The following DLG2 variants were observed in gnomAD, a reference collection of about 807,000 sequenced individuals.
DLG2 encodes the protein disks large homolog 2.
Under a neutral mutation model 132.5 loss-of-function variants are expected in DLG2, and 45 were observed. The observed-to-expected ratio is 0.34, with a 90% CI of 0.27 to 0.44. The LOEUF is 0.44. Ranked by LOEUF, DLG2 falls within the 20% of genes least tolerant of loss-of-function variation. The pLI, the probability that DLG2 is intolerant of heterozygous loss-of-function variation, is 1.00. For missense variants in DLG2, 1,045 were observed against 1,196.9 expected (o/e 0.87, Z 1.87); for synonymous variants, 424 against 419.6 (o/e 1.01, Z -0.13).
chr11:85,497,068 G>A (rs2093683880), intron 3 of DLG2, among the ~76,000 whole-genome samples: 1 of 151,982 alleles, frequency 6.6e-6, no homozygotes, highest in Non-Finnish European at 1.5e-5. Flanking sequence ...AAAATGAGAT[G>A]GAGAATGAGT....
intron 4 of DLG2, among the ~76,000 whole-genome samples, chr11:85,198,257 T>C (rs1466469134): frequency 6.6e-6 from 1 of 152,200 alleles, no homozygotes; most frequent in Non-Finnish European, 1.5e-5. Context: ...TGAAAAATTA[T>C]TTCAGACCTC....
At chr11:85,086,820 A>C (rs1334870642) in intron 6 of DLG2, among the ~76,000 whole-genome samples, 1 of 152,246 alleles carries the variant, frequency 6.6e-6, no homozygotes, top group Non-Finnish European at 1.5e-5. Context: ...CAAGAGTGGC[A>C]AGTAAATCTA....
chr11:83,480,488 T>TGCAAGGCTACCAGAAATGTGAGC, intron 22 of DLG2: 1 of 1,495,442 alleles, frequency 6.7e-7, no homozygotes, highest in Non-Finnish European at 9.0e-7. Context: ...AATACACTCA[T>TGCAAGGCTACCAGAAATGTGAGC]GCAAGGCTAC....
rs2078578170 is a variant in DLG2 at position 85,167,945 on chromosome 11, T to TATTAAA, written c.187-13295_187-13294insTTTAAT. ...AATGGGTAAGTTTAAACTAAGTAGT[T>TATTAAA]CTCCTCTGCTGAAATAATAATAAAC... On this transcript the variant is annotated intron_variant, in intron 4 of 27. Coordinates refer to ENST00000376104, the MANE Select transcript of DLG2 (RefSeq NM_001142699.3). Among the ~76,000 whole-genome samples, 4 of 152,202 alleles carry TATTAAA rather than the reference T, an allele frequency of 2.6e-5. No homozygotes were observed. In the East Asian group the frequency reaches 7.7e-4, roughly 29 times the overall value.
intron 3 of DLG2, among the ~76,000 whole-genome samples, chr11:85,463,206 G>A (rs1237292567): frequency 6.6e-6 from 1 of 152,174 alleles, no homozygotes; most frequent in Non-Finnish European, 1.5e-5. Flanking sequence ...ATCCTCAGGA[G>A]TATCAAGGTT....
intron 6 of DLG2, among the ~76,000 whole-genome samples, chr11:84,914,847 T>G (rs1038435257): frequency 6.6e-6 from 1 of 152,162 alleles, no homozygotes; most frequent in Non-Finnish European, 1.5e-5. Context: ...TCTCTTGGGG[T>G]TATTGTGAAG....
chr11:84,656,731 C>T (rs1002635367), intron 6 of DLG2, among the ~76,000 whole-genome samples: 3 of 152,048 alleles, frequency 2.0e-5, no homozygotes, highest in African/African-American at 7.2e-5. Context: ...GAAAAAATCT[C>T]TAAATAATTA....
At position 83,776,562 on chromosome 11, in the gene DLG2, C is replaced by T. The variant is rs12224268; in HGVS notation, c.1825+10128G>A. ...TTTGTGAACAGCAAATCTGATCTTG[C>T]CAGCCTCAGGCCTAAAACCTTTCAA... On this transcript the variant is annotated intron_variant, in intron 18 of 27. Transcript: ENST00000376104. Among the ~76,000 whole-genome samples, 1,325 of 152,290 alleles carry T rather than the reference C, an allele frequency of 8.7e-3. 80 individuals are homozygous for T. The East Asian group carries it at 0.16, about 19-fold the overall frequency.
chr11:85,492,837 C>T lies in DLG2; in HGVS notation c.40+105820G>A, dbSNP rs143921772. Among the ~76,000 whole-genome samples, 284 of 151,952 alleles carry T rather than the reference C, an allele frequency of 1.9e-3. 3 individuals are homozygous for T. The highest frequency in any genetic ancestry group is 1.5e-3 in the Non-Finnish European group (102 of 67,968). On this transcript the variant is annotated intron_variant, in intron 3 of 27. Coordinates refer to ENST00000376104, the MANE Select transcript of DLG2 (RefSeq NM_001142699.3). ...GAGGTATAATGAGTAGCTCAAATGA[C>T]GGTTGATAGGGAGAAACATCATATT...
At chr11:84,710,258 C>A (rs1195790127) in intron 6 of DLG2, among the ~76,000 whole-genome samples, 1 of 151,958 alleles carries the variant, frequency 6.6e-6, no homozygotes, top group Admixed American at 6.6e-5. Flanking sequence ...ACCAGCAAAA[C>A]TGAAAGGTCC....
chr11:83,928,387 G>T (rs1457698293), intron 15 of DLG2, among the ~76,000 whole-genome samples: 1 of 152,012 alleles, frequency 6.6e-6, no homozygotes, highest in East Asian at 1.9e-4. Context: ...GAGGTGAACT[G>T]TTATCAGCTA....
At chr11:85,193,471 G>A (rs1302222985) in intron 4 of DLG2, among the ~76,000 whole-genome samples, 1 of 152,154 alleles carries the variant, frequency 6.6e-6, no homozygotes, top group African/African-American at 2.4e-5. Flanking sequence ...CATTTTAAGG[G>A]AATAGCCAGA....
intron 6 of DLG2, among the ~76,000 whole-genome samples, chr11:84,969,644 G>A (rs1317978636): frequency 6.6e-6 from 1 of 152,136 alleles, no homozygotes; most frequent in Non-Finnish European, 1.5e-5. Flanking sequence ...GTTGTCTCTA[G>A]AGGAATATAT....
intron 6 of DLG2, among the ~76,000 whole-genome samples, chr11:85,106,169 G>C (rs1021287504): frequency 2.4e-5 from 2 of 83,844 alleles, no homozygotes; most frequent in Non-Finnish European, 4.5e-5. Context: ...AGAAGTGTCT[G>C]TTTTTACTGA....
At chr11:85,494,126 T>C (rs2093621425) in intron 3 of DLG2, among the ~76,000 whole-genome samples, 7 of 152,164 alleles carry the variant, frequency 4.6e-5, no homozygotes, top group Admixed American at 4.6e-4. Context: ...CATGACTTAA[T>C]TACCTCCCAA....
chr11:84,180,089 G>A (rs574231455), intron 8 of DLG2, among the ~76,000 whole-genome samples: 3 of 152,110 alleles, frequency 2.0e-5, no homozygotes, highest in South Asian at 2.1e-4. Flanking sequence ...AGTCAAATAC[G>A]GCAGAAATGT....
At chr11:85,479,952 T>C (rs1236024043) in intron 3 of DLG2, among the ~76,000 whole-genome samples, 1 of 152,210 alleles carries the variant, frequency 6.6e-6, no homozygotes, top group Non-Finnish European at 1.5e-5. Context: ...AAAGACCTCA[T>C]TTTAATTTAA....
chr11:83,845,598 A>G (rs2058462653), intron 16 of DLG2, among the ~76,000 whole-genome samples: 1 of 152,270 alleles, frequency 6.6e-6, no homozygotes, highest in African/African-American at 2.4e-5. Context: ...GGATCTATGC[A>G]TTAAATATAC....
chr11:84,796,768 A>G (rs1158854357), intron 6 of DLG2, among the ~76,000 whole-genome samples: 1 of 151,926 alleles, frequency 6.6e-6, no homozygotes, highest in Non-Finnish European at 1.5e-5. Flanking sequence ...TACCAGACAT[A>G]TTGGAGCTCC....
Sources: allele counts gnomAD v4.1 joint callset (sites outside exome capture counted in the v4.1 genomes callset), GRCh38; gene constraint gnomAD v4.1.1; transcripts MANE v1.5; gene names NCBI Gene and HGNC (gene_info 2026-07-23, HGNC 2026-07-21).